FAM114A1: variants seen among roughly 807,000 people sequenced by gnomAD.
FAM114A1 encodes the protein family with sequence similarity 114 member A1, also known as protein NOXP20.
Under a neutral mutation model 64.3 loss-of-function variants are expected in FAM114A1, and 62 were observed. The observed-to-expected ratio is 0.96, with a 90% CI of 0.79 to 1.19. The LOEUF (loss-of-function observed/expected upper bound fraction) is 1.19, where lower values mean the gene tolerates loss of function less well. FAM114A1 is among the 50% of genes most tolerant of loss of function. The pLI is 0.00. For synonymous variants in FAM114A1, 254 were observed against 251.1 expected (o/e 1.01, Z -0.11); for missense variants, 645 against 676.3 (o/e 0.95, Z 0.51).
chr4:38,922,855 C>T lies in FAM114A1; in HGVS notation c.1031C>T (p.Ala344Val). 3.1e-6 allele frequency: 5 copies of T among 1,612,432 alleles called. No homozygotes were observed. The highest frequency in any genetic ancestry group is 4.2e-6 in the Non-Finnish European group (5 of 1,179,282). Residue 344 changes from alanine to valine, a missense_variant, in exon 9 of 15, where the codon GCC (alanine) becomes GTC (valine). Physicochemically the swap from Ala to Val is moderately conservative, Grantham distance 64. Coordinates refer to ENST00000358869, the MANE Select transcript of FAM114A1 (RefSeq NM_138389.4). The stretch of plus-strand genomic sequence containing the variant: ...ATTTCCATTAAAGACATCTTTGCAG[C>T]CAAAGAATTAGAGAATGAAGAAAAT... ...DLISIKDIFA[A>V]KELENEENQE...
intron 6 of FAM114A1, among the ~76,000 whole-genome samples, chr4:38,907,070 G>T (rs977806232): frequency 1.3e-5 from 2 of 152,154 alleles, no homozygotes; most frequent in African/African-American, 2.4e-5. Flanking sequence ...GAGGGCTGCG[G>T]TCAAACATGA....
chr4:38,911,420 C>T (rs968372988), intron 7 of FAM114A1, among the ~76,000 whole-genome samples: 23 of 152,190 alleles, frequency 1.5e-4, no homozygotes, highest in Admixed American at 1.4e-3. Context: ...TTTCGAAGTC[C>T]AGCATTTATG....
In FAM114A1 at chr4:38,878,700, T is replaced by TGGG. The variant is rs1218775101; in HGVS notation, c.348+275_348+276insGGG. On this transcript the variant is annotated intron_variant, in intron 3 of 14. Transcript: ENST00000358869. Reference sequence around the variant, plus strand: ...ACTCTGCTAGCCACTTTCTATGTTATGTAATTCACTCCATCAACAGTTCAA... The same window carrying TGGG: ...ACTCTGCTAGCCACTTTCTATGTTATGGGGTAATTCACTCCATCAACAGTTCAA... Among the ~76,000 whole-genome samples the TGGG allele has an allele frequency of 7.9e-5, 12 of 152,366 alleles. No individual in the cohort carries two copies. The East Asian group carries it at 2.3e-3, about 29-fold the overall frequency.
chr4:38,911,504 G>A (rs1718526718), intron 7 of FAM114A1, among the ~76,000 whole-genome samples: 1 of 152,216 alleles, frequency 6.6e-6, no homozygotes, highest in African/African-American at 2.4e-5. Context: ...ACTTTCAATT[G>A]CTGTTATCTA....
chr4:38,939,565 C>G (rs1302878248), intron 13 of FAM114A1, among the ~76,000 whole-genome samples: 4 of 152,148 alleles, frequency 2.6e-5, no homozygotes, highest in African/African-American at 9.7e-5. Flanking sequence ...ACTAAAATGA[C>G]TGGGTTTTTA....
intron 2 of FAM114A1, among the ~76,000 whole-genome samples, chr4:38,869,846 G>T (rs751506680): frequency 7.9e-5 from 12 of 151,730 alleles, no homozygotes; most frequent in Non-Finnish European, 1.3e-4. Context: ...TAAAATGAAA[G>T]ACATTTTAAT....
chr4:38,877,661 T>C (rs2109540734), intron 2 of FAM114A1, among the ~76,000 whole-genome samples: 1 of 141,312 alleles, frequency 7.1e-6, no homozygotes, highest in East Asian at 1.9e-4. Context: ...CATAGAGTAT[T>C]GGTTAAAAAA....
At chr4:38,934,983 C>G (rs1296346432) in intron 12 of FAM114A1, among the ~76,000 whole-genome samples, 1 of 151,604 alleles carries the variant, frequency 6.6e-6, no homozygotes, top group African/African-American at 2.4e-5. Context: ...GGCATGATCT[C>G]GGCTCACTGC....
rs1453129973 is a variant in FAM114A1 at position 38,929,252 on chromosome 4, A to T, written c.1080A>T (p.Glu360Asp). 1 of 1,613,280 alleles carries T rather than the reference A, an allele frequency of 6.2e-7. No homozygotes were observed. The highest frequency in any genetic ancestry group is 2.2e-5 in the East Asian group (1 of 44,870). The change falls in exon 10 of 15, where the codon GAA (glutamate) becomes GAT (aspartate). Residue 360 changes from glutamate to aspartate, a missense_variant. Transcript: ENST00000358869. ...EENQEEQGLE[E>D]KGEEFARMLT... The stretch of plus-strand genomic sequence containing the variant: ...GTGTTCTATTTCTAGGCTTAGAAGA[A>T]AAGGGAGAAGAATTTGCTCGCATGC...
chr4:38,878,565 T>TTGTGG, intron 3 of FAM114A1, 139 bp downstream of exon 3: 1 of 667,352 alleles, frequency 1.5e-6, no homozygotes, highest in East Asian at 2.8e-5. Flanking sequence ...CAGAAATGTG[T>TTGTGG]AGTGAGATTA....
At chr4:38,885,514 T>G (rs1715712040) in intron 3 of FAM114A1, among the ~76,000 whole-genome samples, 1 of 152,210 alleles carries the variant, frequency 6.6e-6, no homozygotes, top group Non-Finnish European at 1.5e-5. Context: ...TGGCCTCAAG[T>G]GATCCTCCTG....
At chr4:38,890,511 C>G (rs1231599328) in intron 3 of FAM114A1, among the ~76,000 whole-genome samples, 1 of 152,114 alleles carries the variant, frequency 6.6e-6, no homozygotes, top group Non-Finnish European at 1.5e-5. Context: ...GAATTTTCCA[C>G]TGCCTCCTTA....
chr4:38,929,071 C>T (rs778611398), intron 9 of FAM114A1, 171 bp from the exon 10 acceptor site: 24 of 597,016 alleles, frequency 4.0e-5, no homozygotes, highest in Non-Finnish European at 5.5e-5. Context: ...TCTGCTGCCT[C>T]ACTGCCATGC....
chr4:38,932,011 G>A (rs1365120484), intron 11 of FAM114A1, among the ~76,000 whole-genome samples: 1 of 152,188 alleles, frequency 6.6e-6, no homozygotes, highest in Non-Finnish European at 1.5e-5. Context: ...GTAAGCACTG[G>A]GGATGCAGCT....
At chr4:38,871,878 G>T (rs529250915) in intron 2 of FAM114A1, among the ~76,000 whole-genome samples, 2 of 152,302 alleles carry the variant, frequency 1.3e-5, no homozygotes, top group South Asian at 4.1e-4. Context: ...CTGTGTTCTA[G>T]AGGCAGGACT....
chr4:38,891,347 G>A (rs1716363664), intron 3 of FAM114A1, among the ~76,000 whole-genome samples: 1 of 133,664 alleles, frequency 7.5e-6, no homozygotes, highest in African/African-American at 3.1e-5. Context: ...ACCTTGAAGA[G>A]CACATTTTTT....
At chr4:38,908,748 A>AT (rs747044073) in intron 7 of FAM114A1, 22 bp downstream of exon 7, 1 of 1,519,882 alleles carries the variant, frequency 6.6e-7, no homozygotes, top group Non-Finnish European at 8.9e-7. Flanking sequence ...TACGTTTGCA[A>AT]TTTTTTCTTT....
At chr4:38,931,261 C>T (rs1720604552) in intron 10 of FAM114A1, among the ~76,000 whole-genome samples, 190 bp from the exon 11 acceptor site, 1 of 152,100 alleles carries the variant, frequency 6.6e-6, no homozygotes, top group Non-Finnish European at 1.5e-5. Context: ...CTCTTTTCTA[C>T]TTTATATTTA....
intron 4 of FAM114A1, among the ~76,000 whole-genome samples, chr4:38,892,569 A>G (rs1716510069): frequency 2.0e-5 from 3 of 152,214 alleles, no homozygotes; most frequent in African/African-American, 7.2e-5. Flanking sequence ...TCTTCATGTT[A>G]CCATTTCTTA....
Sources: allele counts gnomAD v4.1 joint callset (sites outside exome capture counted in the v4.1 genomes callset), GRCh38; gene constraint gnomAD v4.1.1; transcripts MANE v1.5; gene names NCBI Gene and HGNC (gene_info 2026-07-23, HGNC 2026-07-21).